TNFRSF21: variants seen among roughly 807,000 people sequenced by gnomAD.
The protein encoded by TNFRSF21 is tumor necrosis factor receptor superfamily member 21.
In TNFRSF21, 19 loss-of-function variants were observed where a neutral mutation model predicts 45.6. The observed-to-expected ratio is 0.42, with a 90% CI of 0.29 to 0.61. The LOEUF (loss-of-function observed/expected upper bound fraction) is 0.61, where lower values mean the gene tolerates loss of function less well. Among genes scored for constraint, TNFRSF21 ranks in the 20% least tolerant of loss-of-function variants. The probability of loss-of-function intolerance (pLI) is 0.23; values close to 1 mark genes in which losing one functional copy is unlikely to be tolerated. For synonymous variants in TNFRSF21, 314 were observed against 335.5 expected, an observed-to-expected ratio of 0.94 and a Z score of 0.70; for missense variants, 737 against 851.5, an observed-to-expected ratio of 0.87 and a Z score of 1.67.
chr6:47,237,570 A>G (rs963734749), intron 4 of TNFRSF21, among the ~76,000 whole-genome samples: 1 of 152,240 alleles, frequency 6.6e-6, no homozygotes, highest in Admixed American at 6.5e-5. Context: ...CAAGAAAGCC[A>G]TATTTCCAGA....
chr6:47,273,559 T>C (rs932820009), intron 3 of TNFRSF21, among the ~76,000 whole-genome samples: 2 of 152,212 alleles, frequency 1.3e-5, no homozygotes, highest in Non-Finnish European at 2.9e-5. Flanking sequence ...AACATCATAC[T>C]GAATGGGCAA....
chr6:47,252,917 G>T (rs1025822810), intron 4 of TNFRSF21, among the ~76,000 whole-genome samples: 1 of 152,166 alleles, frequency 6.6e-6, no homozygotes, highest in Non-Finnish European at 1.5e-5. Context: ...TTCAAAGTGT[G>T]TCATGCAAAA....
At chr6:47,298,795 T>A (rs1183479911) in intron 1 of TNFRSF21, among the ~76,000 whole-genome samples, 1 of 152,176 alleles carries the variant, frequency 6.6e-6, no homozygotes, top group Non-Finnish European at 1.5e-5. Flanking sequence ...TACCAGCCCC[T>A]GGTCTAAAAG....
At chr6:47,272,395 T>TA (rs1361315359) in intron 3 of TNFRSF21, among the ~76,000 whole-genome samples, 1 of 152,078 alleles carries the variant, frequency 6.6e-6, no homozygotes, top group Non-Finnish European at 1.5e-5. Context: ...GGAAACTGAA[T>TA]AACCTGCCCC....
At chr6:47,245,825 T>G (rs575600473) in intron 4 of TNFRSF21, among the ~76,000 whole-genome samples, 1 of 152,330 alleles carries the variant, frequency 6.6e-6, no homozygotes, top group Admixed American at 6.5e-5. Context: ...CTCACGGTTC[T>G]GCAAGCTGTA....
chr6:47,304,703 C>A (rs185124683), intron 1 of TNFRSF21, among the ~76,000 whole-genome samples: 1 of 152,276 alleles, frequency 6.6e-6, no homozygotes, highest in Admixed American at 6.5e-5. Flanking sequence ...TTCAAGCCTC[C>A]CTTTTTTCCC....
chr6:47,281,015 A>G (rs1762560003), intron 3 of TNFRSF21, among the ~76,000 whole-genome samples: 1 of 152,212 alleles, frequency 6.6e-6, no homozygotes, highest in Admixed American at 6.5e-5. Flanking sequence ...CTAGGCACTT[A>G]CAGGGCAGTT....
chr6:47,286,269 G>A lies in TNFRSF21; in HGVS notation c.423C>T (p.Asn141=), dbSNP rs747757642. 1.9e-5 allele frequency: 31 copies of A among 1,614,064 alleles called. No individual in the cohort carries two copies. The highest frequency in any genetic ancestry group is 1.6e-4 in the Middle Eastern group (1 of 6,082). ...CTCPPGMFQS[N]ATCAPHTVCP... is the part of the protein sequence containing the mutation. ...ACACCGTATGGGGGGCACAGGTAGC[G>A]TTAGACTGGAACATGCCAGGTGGGC... is the stretch of plus-strand genomic sequence containing the variant. The change falls in exon 2 of 6, where the codon AAC becomes AAT. Residue 141 remains asparagine, a synonymous_variant. Transcript: ENST00000296861.
chr6:47,269,200 CACACACACAG>C (rs1210046430), intron 3 of TNFRSF21, among the ~76,000 whole-genome samples: 9 of 151,734 alleles, frequency 5.9e-5, no homozygotes, highest in East Asian at 1.9e-4. Flanking sequence ...CACACAAACA[CACACACACAG>C]ACACACACAG....
At chr6:47,258,133 G>T (rs1765016070) in intron 3 of TNFRSF21, among the ~76,000 whole-genome samples, 1 of 152,052 alleles carries the variant, frequency 6.6e-6, no homozygotes, top group Non-Finnish European at 1.5e-5. Context: ...TCTTTGGGAG[G>T]CTGAGGTGAG....
Position 47,233,002 on chromosome 6 carries a change from GAA to G in TNFRSF21, c.1739-10_1739-9del, listed in dbSNP as rs1764610874. ...ACACTGTGTCCTTCTTTTCTGCAGAGAAGAGAGGGAAGCAAAGACAGCTGTAA... is the reference window on the plus strand; with the variant it reads ...ACACTGTGTCCTTCTTTTCTGCAGAGGAGAGGGAAGCAAAGACAGCTGTAA... On this transcript the variant is annotated splice_polypyrimidine_tract_variant and intron_variant, in intron 5 of 5. Coordinates refer to ENST00000296861, the MANE Select transcript of TNFRSF21 (RefSeq NM_014452.5). 7 of 1,613,360 alleles carry G rather than the reference GAA, an allele frequency of 4.3e-6. No individual in the cohort carries two copies. The East Asian group carries it at 1.6e-4, about 36-fold the overall frequency.
At position 47,283,972 on chromosome 6, in the gene TNFRSF21, G is replaced by A; in HGVS notation, c.1209C>T (p.Asn403=). The change falls in exon 3 of 6, where the codon AAC becomes AAT. Residue 403 remains asparagine, a synonymous_variant. Transcript: ENST00000296861. ...GLKKSMTPTQ[N]REKWIYYCNG... is the part of the protein sequence containing the mutation. ...TGCAGTAGTAGATCCATTTCTCCCG[G>A]TTCTGGGTTGGAGTCATGGATTTCT... is the stretch of plus-strand genomic sequence containing the variant. 1 of 1,614,108 alleles carries A rather than the reference G, an allele frequency of 6.2e-7. No individual in the cohort carries two copies.
At chr6:47,249,958 A>C (rs1207412355) in intron 4 of TNFRSF21, among the ~76,000 whole-genome samples, 1 of 152,200 alleles carries the variant, frequency 6.6e-6, no homozygotes, top group Non-Finnish European at 1.5e-5. Context: ...AAAAATAAAA[A>C]AAGACGAGAG....
chr6:47,234,443 C>T (rs1764631983), intron 5 of TNFRSF21, among the ~76,000 whole-genome samples: 1 of 152,230 alleles, frequency 6.6e-6, no homozygotes, highest in South Asian at 2.1e-4. Flanking sequence ...GATAGCTCTC[C>T]ACCGGGCAGT....
chr6:47,270,993 G>A (rs940318600), intron 3 of TNFRSF21, among the ~76,000 whole-genome samples: 1 of 152,136 alleles, frequency 6.6e-6, no homozygotes, highest in South Asian at 2.1e-4. Context: ...AACAAACAGA[G>A]CCTCCAAGAA....
At chr6:47,259,775 T>C (rs1316830846) in intron 3 of TNFRSF21, among the ~76,000 whole-genome samples, 1 of 152,174 alleles carries the variant, frequency 6.6e-6, no homozygotes, top group Non-Finnish European at 1.5e-5. Context: ...CATCCGAGGC[T>C]GTACTAGTTA....
At position 47,238,028 on chromosome 6, in the gene TNFRSF21, C is replaced by G. The variant is rs61597905; in HGVS notation, c.1510-3130G>C. On this transcript the variant is annotated intron_variant, in intron 4 of 5. Transcript: ENST00000296861. The stretch of plus-strand genomic sequence containing the variant: ...TCGTGCCACTGCCCTCCAGCCTGGA[C>G]GACGGAGTGAGACTCTGTCTCAAAA... 5.6e-3 allele frequency among the ~76,000 whole-genome samples: 857 copies of G among 151,760 alleles called. 15 individuals carry two copies. Among genetic ancestry groups the G allele is most frequent in the African/African-American group, 0.02 (830 of 41,344 alleles).
intron 3 of TNFRSF21, among the ~76,000 whole-genome samples, chr6:47,268,660 G>A (rs1343139835): frequency 6.6e-6 from 1 of 152,134 alleles, no homozygotes; most frequent in Admixed American, 6.5e-5. Context: ...AATCATCCAA[G>A]TAAAAGATAC....
intron 1 of TNFRSF21, among the ~76,000 whole-genome samples, chr6:47,298,380 T>C (rs1163728811): frequency 6.6e-6 from 1 of 150,690 alleles, no homozygotes; most frequent in African/African-American, 2.4e-5. Flanking sequence ...GCCCAGGAGG[T>C]TGAGGCTACA....
Sources: gnomAD v4.1 joint callset for allele counts (sites outside exome capture counted in the v4.1 genomes callset) on GRCh38, gnomAD v4.1.1 for gene constraint, MANE v1.5 for transcripts, NCBI Gene and HGNC (gene_info 2026-07-23, HGNC 2026-07-21) for gene names.